Variants in TNR observed in about 807,000 individuals in gnomAD.
TNR encodes the protein tenascin R.
Under a neutral mutation model 150.4 loss-of-function variants are expected in TNR, and 45 were observed. That is an observed-to-expected ratio of 0.30 (90% CI 0.24 to 0.38). The LOEUF (loss-of-function observed/expected upper bound fraction) is 0.38, where lower values mean the gene tolerates loss of function less well. Ranked by LOEUF, TNR falls within the 10% of genes least tolerant of loss-of-function variation. TNR has a pLI of 1.00. For missense variants in TNR, 1,544 were observed against 1,759.1 expected (o/e 0.88, Z 2.19); for synonymous variants, 687 against 678.4 (o/e 1.01, Z -0.20).
intron 1 of TNR, among the ~76,000 whole-genome samples, chr1:175,642,512 A>G (rs529507941): frequency 1.6e-4 from 24 of 152,316 alleles, no homozygotes; most frequent in African/African-American, 5.8e-4. Context: ...TCATAGTTAC[A>G]GTCTATGTCA....
Position 175,537,942 on chromosome 1 carries a change from T to A in TNR, c.-164-9573A>T, listed in dbSNP as rs181615500. On this transcript the variant is annotated intron_variant, in intron 1 of 22. Transcript: ENST00000367674. ...GATCCCACTAAGAGTCAAGTGCAAA[T>A]CCAGTGGAGACATGATTGCCATTTT... 2.8e-4 allele frequency among the ~76,000 whole-genome samples: 42 copies of A among 152,244 alleles called. No individual in the cohort carries two copies. In the East Asian group the frequency reaches 7.7e-3, roughly 28 times the overall value.
chr1:175,689,046 C>T (rs115533294), intron 1 of TNR, among the ~76,000 whole-genome samples: 2,691 of 152,334 alleles, frequency 0.018, 91 homozygotes, highest in African/African-American at 0.06. Flanking sequence ...ATGGCAAGCA[C>T]ACAGGTAACT....
chr1:175,356,526 A>G, intron 15 of TNR, 64 bp from the exon 16 acceptor site: 2 of 1,583,526 alleles, frequency 1.3e-6, no homozygotes, highest in Non-Finnish European at 1.7e-6. Flanking sequence ...AGATCTACCA[A>G]ATCCAAAGGT....
intron 2 of TNR, among the ~76,000 whole-genome samples, chr1:175,420,229 T>C (rs561164736): frequency 6.6e-6 from 1 of 152,306 alleles, no homozygotes; most frequent in South Asian, 2.1e-4. Context: ...CCCGTGGCTG[T>C]CCTGTGCCTG....
chr1:175,555,226 C>T (rs185376953), intron 1 of TNR, among the ~76,000 whole-genome samples: 1 of 152,164 alleles, frequency 6.6e-6, no homozygotes, highest in Non-Finnish European at 1.5e-5. Flanking sequence ...TCCCCACCCC[C>T]TATAGATACA....
intron 3 of TNR, among the ~76,000 whole-genome samples, chr1:175,404,179 G>A (rs1214445918): frequency 6.6e-6 from 1 of 152,160 alleles, no homozygotes; most frequent in East Asian, 1.9e-4. Context: ...ACAAACTGAG[G>A]ACAGCCTTCT....
chr1:175,650,966 C>T (rs1161589317), intron 1 of TNR, among the ~76,000 whole-genome samples: 1 of 101,024 alleles, frequency 9.9e-6, no homozygotes, highest in Non-Finnish European at 2.1e-5. Flanking sequence ...CTCCCCCCCA[C>T]CTCATTACTA....
chr1:175,638,644 C>T (rs1173427193), intron 1 of TNR, among the ~76,000 whole-genome samples: 1 of 152,208 alleles, frequency 6.6e-6, no homozygotes, highest in South Asian at 2.1e-4. Context: ...AGTTAGGGTA[C>T]CAAACTCCTC....
intron 2 of TNR, among the ~76,000 whole-genome samples, chr1:175,493,814 G>A (rs1658359679): frequency 6.6e-6 from 1 of 152,108 alleles, no homozygotes; most frequent in Non-Finnish European, 1.5e-5. Flanking sequence ...ATATGGCTGC[G>A]TGGCCACAAA....
intron 9 of TNR, among the ~76,000 whole-genome samples, chr1:175,371,506 A>C (rs1156746528): frequency 6.6e-6 from 1 of 152,228 alleles, no homozygotes; most frequent in Non-Finnish European, 1.5e-5. Context: ...AAAAAAGTAA[A>C]ATAATTATTT....
At chr1:175,472,675 C>T (rs1657355544) in intron 2 of TNR, among the ~76,000 whole-genome samples, 1 of 152,170 alleles carries the variant, frequency 6.6e-6, no homozygotes, top group Non-Finnish European at 1.5e-5. Flanking sequence ...TTACACAGCA[C>T]ATGACTAATT....
intron 2 of TNR, among the ~76,000 whole-genome samples, chr1:175,423,554 C>T (rs1267807729): frequency 6.6e-6 from 1 of 152,148 alleles, no homozygotes; most frequent in African/African-American, 2.4e-5. Context: ...AGATCTCAAT[C>T]CCCTAGGATC....
At chr1:175,519,208 T>C (rs1659533994) in intron 2 of TNR, among the ~76,000 whole-genome samples, 1 of 152,188 alleles carries the variant, frequency 6.6e-6, no homozygotes, top group Admixed American at 6.5e-5. Flanking sequence ...CTCTAAGAAT[T>C]CTAACTACCA....
At chr1:175,712,279 A>G (rs1040332686) in intron 1 of TNR, among the ~76,000 whole-genome samples, 1 of 152,200 alleles carries the variant, frequency 6.6e-6, no homozygotes, top group African/African-American at 2.4e-5. Context: ...CTTCATGCTC[A>G]TGCAGTGAAG....
chr1:175,685,522 G>T (rs1371866022), intron 1 of TNR, among the ~76,000 whole-genome samples: 1 of 152,138 alleles, frequency 6.6e-6, no homozygotes, highest in African/African-American at 2.4e-5. Flanking sequence ...GTTTCATTCT[G>T]CCCATGACCA....
chr1:175,409,776 T>C (rs1372244863), intron 2 of TNR, among the ~76,000 whole-genome samples: 1 of 151,602 alleles, frequency 6.6e-6, no homozygotes, highest in African/African-American at 2.4e-5. Context: ...TCATTTATCA[T>C]TCATTCATTT....
chr1:175,403,514 T>C lies in TNR; in HGVS notation c.602A>G (p.Glu201Gly). ...GGAGCAACCCAGCGGGCAGTAGGGC[T>C]CCGAGCAATTCTTGCCAAACCAGCC... is the stretch of plus-strand genomic sequence containing the variant. ...NEGWFGKNCSEPYCPLGCSSR... is the reference protein window; with the variant it reads ...NEGWFGKNCSGPYCPLGCSSR... The change falls in exon 4 of 23, where the codon GAG becomes GGG. Residue 201 changes from glutamate to glycine, a missense_variant. Glu to Gly is a moderately conservative substitution (Grantham distance 98). Coordinates refer to ENST00000367674, the MANE Select transcript of TNR (RefSeq NM_003285.3). 6.2e-7 allele frequency: 1 copy of C among 1,614,186 alleles called. No individual in the cohort carries two copies. The highest frequency in any genetic ancestry group is 8.5e-7 in the Non-Finnish European group (1 of 1,180,034).
chr1:175,658,925 G>C (rs1324412416), intron 1 of TNR, among the ~76,000 whole-genome samples: 1 of 152,188 alleles, frequency 6.6e-6, no homozygotes, highest in Admixed American at 6.5e-5. Context: ...CGATGTTTTA[G>C]GCACTCCTGA....
intron 2 of TNR, among the ~76,000 whole-genome samples, chr1:175,527,524 A>T (rs2102175918): frequency 6.6e-6 from 1 of 152,336 alleles, no homozygotes; most frequent in African/African-American, 2.4e-5. Flanking sequence ...AAATACAGAG[A>T]GAAGACTGGT....
Sources: gnomAD v4.1 joint callset for allele counts (sites outside exome capture counted in the v4.1 genomes callset) on GRCh38, gnomAD v4.1.1 for gene constraint, MANE v1.5 for transcripts, NCBI Gene and HGNC (gene_info 2026-07-23, HGNC 2026-07-21) for gene names.